The following CNTN3 variants were observed in gnomAD, a reference collection of about 807,000 sequenced individuals.
The protein encoded by CNTN3 is contactin-3.
CNTN3 carries 60 observed loss-of-function variants against 119.1 expected under a neutral mutation model. The ratio of observed to expected loss-of-function variants is 0.50; its 90% CI spans 0.41 to 0.62. The LOEUF (loss-of-function observed/expected upper bound fraction) is 0.62, where lower values mean the gene tolerates loss of function less well. Ranked by LOEUF, CNTN3 falls within the 20% of genes least tolerant of loss-of-function variation. The pLI is 0.00. For missense variants in CNTN3, 1,101 were observed against 1,242.4 expected (o/e 0.89, Z 1.71); for synonymous variants, 450 against 438.7 (o/e 1.03, Z -0.32).
intron 5 of CNTN3, among the ~76,000 whole-genome samples, chr3:74,406,467 C>T (rs930808812): frequency 4.0e-5 from 6 of 151,284 alleles, no homozygotes; most frequent in Admixed American, 3.3e-4. Flanking sequence ...TTTAAACATG[C>T]TAAATTTTCT....
chr3:74,339,501 G>C (rs545209213), intron 11 of CNTN3, among the ~76,000 whole-genome samples: 7 of 152,180 alleles, frequency 4.6e-5, no homozygotes, highest in Non-Finnish European at 8.8e-5. Context: ...CCATGAGTTA[G>C]ATTCGATTTT....
intron 13 of CNTN3, among the ~76,000 whole-genome samples, chr3:74,322,791 T>C (rs1424398081): frequency 2.0e-5 from 3 of 152,172 alleles, no homozygotes; most frequent in Non-Finnish European, 4.4e-5. Context: ...TACATCCAGA[T>C]ACTGGGATAT....
chr3:74,456,413 T>TA (rs1265718268), intron 4 of CNTN3, among the ~76,000 whole-genome samples: 1 of 151,316 alleles, frequency 6.6e-6, no homozygotes, highest in Middle Eastern at 3.2e-3. Flanking sequence ...TCTGTATATA[T>TA]TTTTTGGCAA....
At chr3:74,444,730 TG>T (rs1310569184) in intron 4 of CNTN3, among the ~76,000 whole-genome samples, 1 of 152,166 alleles carries the variant, frequency 6.6e-6, no homozygotes, top group Non-Finnish European at 1.5e-5. Context: ...TCATTTTAAT[TG>T]AGGCATTTTC....
intron 13 of CNTN3, among the ~76,000 whole-genome samples, chr3:74,305,078 A>G (rs1702532435): frequency 6.6e-6 from 1 of 152,254 alleles, no homozygotes; most frequent in Non-Finnish European, 1.5e-5. Flanking sequence ...TCAAGGACAC[A>G]GAAGTGTTTA....
intron 20 of CNTN3, among the ~76,000 whole-genome samples, chr3:74,274,128 C>T (rs1701834698): frequency 6.6e-6 from 1 of 151,874 alleles, no homozygotes; most frequent in Non-Finnish European, 1.5e-5. Context: ...GAACCTCACG[C>T]CCATCCCCCC....
chr3:74,268,009 G>T (rs1018605623), intron 20 of CNTN3, among the ~76,000 whole-genome samples: 1 of 152,058 alleles, frequency 6.6e-6, no homozygotes, highest in Non-Finnish European at 1.5e-5. Flanking sequence ...CTATACACAT[G>T]AAAAATTGCA....
intron 5 of CNTN3, among the ~76,000 whole-genome samples, chr3:74,394,594 C>T (rs922004891): frequency 2.0e-5 from 3 of 152,008 alleles, no homozygotes; most frequent in Non-Finnish European, 2.9e-5. Context: ...GAAAAGTAAA[C>T]ACTAAGAGAA....
intron 3 of CNTN3, among the ~76,000 whole-genome samples, chr3:74,489,054 C>T (rs1702912399): frequency 6.6e-6 from 1 of 152,086 alleles, no homozygotes; most frequent in African/African-American, 2.4e-5. Flanking sequence ...AGTCCTAGAA[C>T]TACAGAAATT....
chr3:74,451,497 G>A (rs570431830), intron 4 of CNTN3, among the ~76,000 whole-genome samples: 65 of 152,158 alleles, frequency 4.3e-4, no homozygotes, highest in South Asian at 8.3e-4. Context: ...TTCTTTTGCC[G>A]TGCAGAAGCT....
At chr3:74,277,333 G>C (rs148763516) in intron 20 of CNTN3, among the ~76,000 whole-genome samples, 6 of 151,828 alleles carry the variant, frequency 4.0e-5, no homozygotes, top group African/African-American at 1.2e-4. Flanking sequence ...ACTACAGACC[G>C]ATATCCCTGA....
intron 1 of CNTN3, among the ~76,000 whole-genome samples, chr3:74,573,696 A>G (rs961090582): frequency 6.6e-6 from 1 of 151,976 alleles, no homozygotes; most frequent in African/African-American, 2.4e-5. Flanking sequence ...GTTTAACATC[A>G]TTGGTCATTA....
intron 2 of CNTN3, among the ~76,000 whole-genome samples, chr3:74,505,685 T>C (rs1016944702): frequency 6.6e-6 from 1 of 151,836 alleles, no homozygotes; most frequent in Non-Finnish European, 1.5e-5. Flanking sequence ...CTGTAACCAA[T>C]GCTCTAGAAA....
At chr3:74,560,150 T>C (rs555925956) in intron 1 of CNTN3, among the ~76,000 whole-genome samples, 2 of 152,274 alleles carry the variant, frequency 1.3e-5, no homozygotes, top group East Asian at 1.9e-4. Context: ...ACTGGCTAGA[T>C]ACCATCAAGC....
At chr3:74,501,004 G>A (rs991381503) in intron 2 of CNTN3, among the ~76,000 whole-genome samples, 18 of 151,960 alleles carry the variant, frequency 1.2e-4, no homozygotes, top group African/African-American at 2.9e-4. Context: ...TCCACAGTCC[G>A]TGCAGGGATA....
At chr3:74,598,818 G>A (rs953673826) in intron 1 of CNTN3, among the ~76,000 whole-genome samples, 1 of 151,946 alleles carries the variant, frequency 6.6e-6, no homozygotes, top group African/African-American at 2.4e-5. Flanking sequence ...GTAAGATCCA[G>A]GTAGTGTGCT....
rs574629067 is a variant in CNTN3, at chr3:74,328,567, C to T, written c.1668+6168G>A. Among the ~76,000 whole-genome samples the T allele has an allele frequency of 2.1e-4, 32 of 152,172 alleles. No homozygotes were observed. The South Asian group carries it at 2.5e-3, about 12-fold the overall frequency. ...ACTTATTCTTGTAAATTTAAGTCTA[C>T]CTTACAGGATTTCCACTGGGGATGG... On this transcript the variant is annotated intron_variant, in intron 13 of 22. Transcript: ENST00000263665.
chr3:74,465,626 A>G (rs1702447719), intron 4 of CNTN3, among the ~76,000 whole-genome samples: 1 of 152,174 alleles, frequency 6.6e-6, no homozygotes, highest in African/African-American at 2.4e-5. Flanking sequence ...ATTTCTCCAT[A>G]CAAAGAAAAG....
At chr3:74,572,384 G>C (rs1041539588) in intron 1 of CNTN3, among the ~76,000 whole-genome samples, 4 of 151,744 alleles carry the variant, frequency 2.6e-5, no homozygotes, top group African/African-American at 9.7e-5. Flanking sequence ...CAAAACTATG[G>C]GATCAACATA....
Sources: gnomAD v4.1 joint callset for allele counts (sites outside exome capture counted in the v4.1 genomes callset) on GRCh38, gnomAD v4.1.1 for gene constraint, MANE v1.5 for transcripts, NCBI Gene and HGNC (gene_info 2026-07-23, HGNC 2026-07-21) for gene names.